Variants in HEMK2 observed in about 807,000 individuals in gnomAD.
HEMK2 encodes the protein methyltransferase HEMK2.
At chr21:28,848,000 AC>A in the HEMK2 span, among the ~76,000 whole-genome samples, 1 of 152,216 alleles carries the variant, frequency 6.6e-6, no homozygotes, top group South Asian at 2.1e-4. Context: ...TTGTACTAGT[AC>A]CATGCTGTCT....
At chr21:28,763,931 C>CA in the HEMK2 span, among the ~76,000 whole-genome samples, 82,645 of 151,902 alleles carry the variant, frequency 0.54, 25,652 homozygotes, top group African/African-American at 0.84. Flanking sequence ...AGTCCTCAAC[C>CA]GTGACTGAAA....
At chr21:28,685,061 G>A in the HEMK2 span, among the ~76,000 whole-genome samples, 13 of 151,962 alleles carry the variant, frequency 8.6e-5, no homozygotes, top group Admixed American at 8.5e-4. Flanking sequence ...AGTTGGGAGG[G>A]GGCAGGTATT....
At chr21:28,687,532 G>A in the HEMK2 span, among the ~76,000 whole-genome samples, 2,875 of 152,234 alleles carry the variant, frequency 0.019, 96 homozygotes, top group African/African-American at 0.064. Context: ...TGTCAGCATA[G>A]CATGCACACA....
chr21:28,648,243 T>C, the HEMK2 span, among the ~76,000 whole-genome samples: 1 of 152,248 alleles, frequency 6.6e-6, no homozygotes, highest in African/African-American at 2.4e-5. Flanking sequence ...ATGTAAATAC[T>C]TTTTTGAAAT....
the HEMK2 span, among the ~76,000 whole-genome samples, chr21:28,653,362 T>C: frequency 6.6e-6 from 1 of 152,054 alleles, no homozygotes; most frequent in African/African-American, 2.4e-5. Context: ...CCCTTCAAAC[T>C]CCTTGAACCC....
At chr21:28,609,923 A>G in the HEMK2 span, among the ~76,000 whole-genome samples, 1 of 152,314 alleles carries the variant, frequency 6.6e-6, no homozygotes, top group South Asian at 2.1e-4. Flanking sequence ...AATGACCAAA[A>G]CTAAGAATAA....
At chr21:28,593,118 C>G in the HEMK2 span, among the ~76,000 whole-genome samples, 1 of 152,138 alleles carries the variant, frequency 6.6e-6, no homozygotes, top group Admixed American at 6.6e-5. Context: ...ATTGCTTGAA[C>G]CCGGGAGGTG....
chr21:28,807,549 T>A, the HEMK2 span, among the ~76,000 whole-genome samples: 1 of 152,160 alleles, frequency 6.6e-6, no homozygotes, highest in Non-Finnish European at 1.5e-5. Flanking sequence ...TGAGGGCCCC[T>A]ATCTTGAGTC....
the HEMK2 span, among the ~76,000 whole-genome samples, chr21:28,741,015 G>A: frequency 2.2e-3 from 341 of 152,190 alleles, 2 homozygotes; most frequent in African/African-American, 7.7e-3. Context: ...TTCCTAAGTT[G>A]GTTTCTGTTT....
At chr21:28,681,882 C>T in the HEMK2 span, among the ~76,000 whole-genome samples, 2 of 152,108 alleles carry the variant, frequency 1.3e-5, no homozygotes, top group African/African-American at 4.8e-5. Context: ...CTTCCTTACA[C>T]CTTATACAAA....
the HEMK2 span, among the ~76,000 whole-genome samples, chr21:28,870,424 G>C: frequency 2.0e-5 from 3 of 151,720 alleles, no homozygotes; most frequent in African/African-American, 7.3e-5. Flanking sequence ...TTTTGAGACG[G>C]AGTCTTGCTC....
the HEMK2 span, among the ~76,000 whole-genome samples, chr21:28,855,482 A>G: frequency 2.6e-5 from 4 of 152,246 alleles, no homozygotes; most frequent in Non-Finnish European, 5.9e-5. Context: ...GATATTAATT[A>G]TAAGTGTTGG....
the HEMK2 span, chr21:28,626,609 C>T: frequency 6.6e-6 from 1 of 152,106 alleles, no homozygotes; most frequent in Non-Finnish European, 1.5e-5. Context: ...CTTTGGGAGG[C>T]CAGGGTGAGA....
the HEMK2 span, among the ~76,000 whole-genome samples, chr21:28,702,435 G>A: frequency 6.6e-6 from 1 of 151,360 alleles, no homozygotes; most frequent in African/African-American, 2.4e-5. Context: ...CTATGCATCA[G>A]AATCTATAAG....
the HEMK2 span, among the ~76,000 whole-genome samples, chr21:28,829,530 C>T: frequency 2.6e-5 from 4 of 152,134 alleles, no homozygotes; most frequent in South Asian, 2.1e-4. Context: ...CTGATAGATA[C>T]CAGTGCTTCA....
At chr21:28,716,378 TG>T in the HEMK2 span, among the ~76,000 whole-genome samples, 1 of 152,048 alleles carries the variant, frequency 6.6e-6, no homozygotes, top group African/African-American at 2.4e-5. Context: ...AGGTATTTTG[TG>T]GGTTTTTTTG....
At chr21:28,598,610 A>T in the HEMK2 span, among the ~76,000 whole-genome samples, 1 of 152,162 alleles carries the variant, frequency 6.6e-6, no homozygotes, top group Non-Finnish European at 1.5e-5. Context: ...GTATCCTTTT[A>T]CTGTAAGAAA....
At chr21:28,778,068 T>C in the HEMK2 span, among the ~76,000 whole-genome samples, 1 of 152,228 alleles carries the variant, frequency 6.6e-6, no homozygotes, top group African/African-American at 2.4e-5. Context: ...CATGATGTTG[T>C]GAAATTTGTA....
At chr21:28,841,101 T>TATTA in the HEMK2 span, among the ~76,000 whole-genome samples, 22 of 41,204 alleles carry the variant, frequency 5.3e-4, 4 homozygotes, top group African/African-American at 2.9e-3. Flanking sequence ...ATATTATATA[T>TATTA]TATATAATAA....
Sources: gnomAD v4.1 joint callset for allele counts (sites outside exome capture counted in the v4.1 genomes callset) on GRCh38, gnomAD v4.1.1 for gene constraint, MANE v1.5 for transcripts, NCBI Gene and HGNC (gene_info 2026-07-23, HGNC 2026-07-21) for gene names.